The following TBC1D31 variants were observed in gnomAD, a reference collection of about 807,000 sequenced individuals.
TBC1D31 encodes the protein WD repeat domain 67.
Under a neutral mutation model 132.9 loss-of-function variants are expected in TBC1D31, and 99 were observed. The observed-to-expected ratio is 0.74, with a 90% CI of 0.63 to 0.88. The LOEUF is 0.88. TBC1D31 is among the 40% of genes least tolerant of loss of function. TBC1D31 has a pLI of 0.00. For missense variants in TBC1D31, 1,134 were observed against 1,256.6 expected, an observed-to-expected ratio of 0.90 and a Z score of 1.48; for synonymous variants, 385 against 419.4, an observed-to-expected ratio of 0.92 and a Z score of 1.00.
intron 16 of TBC1D31, among the ~76,000 whole-genome samples, chr8:123,132,404 T>TA (rs1820715848): frequency 2.5e-5 from 2 of 78,540 alleles, no homozygotes; most frequent in Non-Finnish European, 5.3e-5. Context: ...TTTTTAAGTC[T>TA]TTTTTTTTTT....
At chr8:123,074,459 C>T (rs982219378) in intron 1 of TBC1D31, among the ~76,000 whole-genome samples, 2 of 152,196 alleles carry the variant, frequency 1.3e-5, no homozygotes, top group Non-Finnish European at 2.9e-5. Flanking sequence ...AAAAAATTTT[C>T]TCTAAAGTGG....
intron 21 of TBC1D31, among the ~76,000 whole-genome samples, chr8:123,151,321 T>TA (rs751790615): frequency 3.9e-5 from 6 of 152,250 alleles, no homozygotes; most frequent in Non-Finnish European, 8.8e-5. Flanking sequence ...GTAACGCTCT[T>TA]ACACTTGGAC....
At chr8:123,122,207 T>C (rs966320539) in intron 11 of TBC1D31, among the ~76,000 whole-genome samples, 4 of 152,186 alleles carry the variant, frequency 2.6e-5, no homozygotes, top group Admixed American at 6.5e-5. Context: ...CCCAAAAGAA[T>C]TGAAAACTGA....
At chr8:123,163,248 T>C in the TBC1D31 span, among the ~76,000 whole-genome samples, 1 of 151,986 alleles carries the variant, frequency 6.6e-6, no homozygotes, top group African/African-American at 2.4e-5. Context: ...TTTACTGACA[T>C]ATAATTCACA....
chr8:123,079,102 G>A (rs1814854579), intron 2 of TBC1D31, among the ~76,000 whole-genome samples: 1 of 152,104 alleles, frequency 6.6e-6, no homozygotes, highest in African/African-American at 2.4e-5. Context: ...TAACAAAACT[G>A]TGCTGATATC....
At chr8:123,129,347 G>A in intron 15 of TBC1D31, 129 bp downstream of exon 15, 1 of 566,044 alleles carries the variant, frequency 1.8e-6, no homozygotes, top group African/African-American at 1.9e-5. Context: ...TTTCTATAAA[G>A]CAACTATTAA....
At chr8:123,147,174 T>G (rs573728167) in intron 20 of TBC1D31, among the ~76,000 whole-genome samples, 2 of 152,106 alleles carry the variant, frequency 1.3e-5, no homozygotes, top group African/African-American at 4.8e-5. Context: ...GTTTTTTTTT[T>G]TGGTTGTTTG....
intron 1 of TBC1D31, among the ~76,000 whole-genome samples, chr8:123,074,155 C>T (rs1037559205): frequency 4.6e-5 from 7 of 152,078 alleles, no homozygotes; most frequent in African/African-American, 1.7e-4. Context: ...CCGCAGCCTC[C>T]TGAGTAGCTG....
At chr8:123,164,519 C>T in the TBC1D31 span, among the ~76,000 whole-genome samples, 2 of 152,076 alleles carry the variant, frequency 1.3e-5, no homozygotes, top group South Asian at 2.1e-4. Flanking sequence ...GTCAGGAGTT[C>T]GAGATCAGCC....
At chr8:123,161,216 T>C in the TBC1D31 span, among the ~76,000 whole-genome samples, 3 of 152,244 alleles carry the variant, frequency 2.0e-5, no homozygotes, top group African/African-American at 7.2e-5. Flanking sequence ...CTAGGCCTGA[T>C]GTGTCCTGCC....
chr8:123,118,530 T>A (rs1207244196), intron 10 of TBC1D31, among the ~76,000 whole-genome samples: 2 of 152,102 alleles, frequency 1.3e-5, no homozygotes, highest in Non-Finnish European at 2.9e-5. Flanking sequence ...AATAAAAATC[T>A]CTACATGTAA....
At chr8:123,097,566 G>A (rs887633706) in intron 6 of TBC1D31, 125 bp downstream of exon 6, 19 of 1,174,758 alleles carry the variant, frequency 1.6e-5, no homozygotes, top group Non-Finnish European at 2.2e-5. Context: ...TTACAAATAT[G>A]TTATTTTTGT....
intron 1 of TBC1D31, among the ~76,000 whole-genome samples, chr8:123,075,925 G>A (rs563216585): frequency 4.1e-4 from 63 of 151,982 alleles, no homozygotes; most frequent in Non-Finnish European, 8.4e-4. Flanking sequence ...CTCAAAAAGG[G>A]TAACTTTAAA....
chr8:123,118,821 C>T (rs1237649655), intron 10 of TBC1D31, among the ~76,000 whole-genome samples: 1 of 152,176 alleles, frequency 6.6e-6, no homozygotes, highest in Non-Finnish European at 1.5e-5. Flanking sequence ...CAGCCACAAA[C>T]TCCTGGACCT....
At chr8:123,128,663 T>C in intron 14 of TBC1D31, 150 bp downstream of exon 14, 1 of 623,602 alleles carries the variant, frequency 1.6e-6, no homozygotes, top group Non-Finnish European at 2.8e-6. Context: ...GATCACAAGG[T>C]CAGGAGTTCG....
chr8:123,143,457 G>A (rs1053784109), intron 19 of TBC1D31, among the ~76,000 whole-genome samples: 2 of 152,084 alleles, frequency 1.3e-5, no homozygotes, highest in Non-Finnish European at 2.9e-5. Context: ...GTTGATCCTC[G>A]CAAAGACTCT....
rs150413948 is a variant in TBC1D31 at position 123,128,429 on chromosome 8, A to G, written c.2033A>G (p.Asn678Ser). The G allele has an allele frequency of 5.3e-4, 849 of 1,613,996 alleles. 12 individuals are homozygous for G. The East Asian group carries it at 0.018, about 34-fold the overall frequency. ...ALTKGQYPVFNQYPKFIVDYQ... is the reference protein window; with the variant it reads ...ALTKGQYPVFSQYPKFIVDYQ... ...ACAAAAGGGCAGTATCCAGTATTTA[A>G]TCAATATCCAAAGTTTATTGTGGAC... Residue 678 changes from asparagine (N) to serine (S), a missense_variant, in exon 14 of 22, where the codon AAT (asparagine) becomes AGT (serine). Coordinates refer to ENST00000287380, the MANE Select transcript of TBC1D31 (RefSeq NM_145647.4).
the TBC1D31 span, among the ~76,000 whole-genome samples, chr8:123,159,410 C>T: frequency 1.3e-5 from 2 of 151,980 alleles, no homozygotes; most frequent in Non-Finnish European, 2.9e-5. Context: ...ATGAAATGAG[C>T]GAAGAACACA....
chr8:123,123,106 C>T (rs1473594414), intron 11 of TBC1D31: 1 of 152,254 alleles, frequency 6.6e-6, no homozygotes, highest in Non-Finnish European at 1.5e-5. Context: ...GAACTAAACA[C>T]TGGCAAGGCA....
Sources: allele counts gnomAD v4.1 joint callset (sites outside exome capture counted in the v4.1 genomes callset), GRCh38; gene constraint gnomAD v4.1.1; transcripts MANE v1.5; gene names NCBI Gene and HGNC (gene_info 2026-07-23, HGNC 2026-07-21).